Variants in DCC observed in about 807,000 individuals in gnomAD.
DCC encodes the protein DCC netrin 1 receptor.
In DCC, 58 loss-of-function variants were observed where a neutral mutation model predicts 172.5. The ratio of observed to expected loss-of-function variants is 0.34; its 90% CI spans 0.27 to 0.42. The LOEUF is 0.42. Among genes scored for constraint, DCC ranks in the 10% least tolerant of loss-of-function variants. The pLI, the probability that DCC is intolerant of heterozygous loss-of-function variation, is 1.00. For missense variants in DCC, 1,740 were observed against 1,791.0 expected (o/e 0.97, Z 0.51); for synonymous variants, 709 against 644.5 (o/e 1.10, Z -1.52).
intron 1 of DCC, among the ~76,000 whole-genome samples, chr18:52,462,304 C>T (rs1988655428): frequency 1.3e-5 from 2 of 152,242 alleles, no homozygotes; most frequent in African/African-American, 4.8e-5. Flanking sequence ...ATTCAGAACC[C>T]TCCAATGACT....
At chr18:53,022,579 C>G (rs560857522) in intron 5 of DCC, among the ~76,000 whole-genome samples, 1 of 150,166 alleles carries the variant, frequency 6.7e-6, no homozygotes, top group South Asian at 2.1e-4. Flanking sequence ...GTATCACTAA[C>G]GGAACACCAT....
intron 12 of DCC, among the ~76,000 whole-genome samples, chr18:53,292,115 C>T (rs548389300): frequency 6.1e-5 from 1 of 16,276 alleles, no homozygotes; most frequent in Non-Finnish European, 6.4e-4. Flanking sequence ...TGAGCTCCAC[C>T]CCCCCCCCCT....
chr18:53,094,369 T>C (rs1044243188), intron 7 of DCC, among the ~76,000 whole-genome samples: 2 of 152,218 alleles, frequency 1.3e-5, no homozygotes, highest in African/African-American at 4.8e-5. Context: ...TTTTAAGGCA[T>C]TATAACTAGA....
At chr18:52,374,241 G>A (rs1985251836) in intron 1 of DCC, among the ~76,000 whole-genome samples, 1 of 152,054 alleles carries the variant, frequency 6.6e-6, no homozygotes, top group East Asian at 1.9e-4. Context: ...AGTTCACTGA[G>A]TAGAACCTAA....
At chr18:53,283,058 G>A (rs1177196480) in intron 12 of DCC, among the ~76,000 whole-genome samples, 2 of 152,172 alleles carry the variant, frequency 1.3e-5, no homozygotes, top group African/African-American at 4.8e-5. Context: ...AGTCAGCACT[G>A]ACCTAATTAT....
chr18:52,821,381 TA>T (rs1175485229), intron 2 of DCC, among the ~76,000 whole-genome samples: 4 of 152,228 alleles, frequency 2.6e-5, no homozygotes, highest in Non-Finnish European at 5.9e-5. Flanking sequence ...CTCAACAGCC[TA>T]AAAACATTGT....
At chr18:53,358,448 G>T (rs2057903642) in intron 15 of DCC, among the ~76,000 whole-genome samples, 1 of 151,158 alleles carries the variant, frequency 6.6e-6, no homozygotes, top group Non-Finnish European at 1.5e-5. Flanking sequence ...TTATAAAATG[G>T]CTTATTGAGT....
intron 1 of DCC, among the ~76,000 whole-genome samples, chr18:52,716,439 T>C (rs1421869619): frequency 1.3e-5 from 2 of 152,158 alleles, no homozygotes; most frequent in East Asian, 1.9e-4. Flanking sequence ...CTTGAAGACA[T>C]AAAGGGATGT....
intron 5 of DCC, among the ~76,000 whole-genome samples, chr18:53,007,986 C>T (rs886627243): frequency 1.3e-5 from 2 of 152,094 alleles, no homozygotes; most frequent in African/African-American, 4.8e-5. Context: ...AAGCCAAATT[C>T]ACCTGCAAAT....
intron 1 of DCC, among the ~76,000 whole-genome samples, chr18:52,574,221 T>A (rs2033362013): frequency 6.6e-6 from 1 of 152,230 alleles, no homozygotes; most frequent in South Asian, 2.1e-4. Flanking sequence ...TCCTGTGAAA[T>A]GTCAAGCCTT....
chr18:52,608,122 C>G (rs765869949), intron 1 of DCC, among the ~76,000 whole-genome samples: 5 of 152,062 alleles, frequency 3.3e-5, no homozygotes, highest in South Asian at 4.1e-4. Flanking sequence ...GTCTCTGCCA[C>G]CCTAACCTCT....
At chr18:53,007,886 A>T (rs1202757387) in intron 5 of DCC, among the ~76,000 whole-genome samples, 1 of 152,100 alleles carries the variant, frequency 6.6e-6, no homozygotes, top group African/African-American at 2.4e-5. Flanking sequence ...GTGACCTAAA[A>T]ACCGCCTTTG....
chr18:52,780,386 A>G (rs79335626), intron 2 of DCC, among the ~76,000 whole-genome samples: 8,047 of 152,256 alleles, frequency 0.053, 288 homozygotes, highest in South Asian at 0.16. Flanking sequence ...CTTTCAAAAT[A>G]TATAGTCTCT....
chr18:53,489,395 A>G (rs1200064541), intron 26 of DCC, among the ~76,000 whole-genome samples: 7 of 152,196 alleles, frequency 4.6e-5, no homozygotes, highest in Non-Finnish European at 8.8e-5. Context: ...AATATTCTCT[A>G]AATCACTGTC....
At chr18:52,873,186 C>A (rs1221285104) in intron 2 of DCC, among the ~76,000 whole-genome samples, 1 of 149,380 alleles carries the variant, frequency 6.7e-6, no homozygotes, top group Non-Finnish European at 1.5e-5. Flanking sequence ...ACAAGTCTCT[C>A]AGTGTTTATG....
intron 26 of DCC, among the ~76,000 whole-genome samples, chr18:53,493,028 G>A (rs985122405): frequency 7.9e-5 from 12 of 152,064 alleles, no homozygotes; most frequent in Non-Finnish European, 2.9e-5. Context: ...CTTTGAAGAT[G>A]TCCTTCACAT....
chr18:52,961,633 C>T (rs1368309448), intron 5 of DCC, among the ~76,000 whole-genome samples: 1 of 152,154 alleles, frequency 6.6e-6, no homozygotes, highest in Non-Finnish European at 1.5e-5. Flanking sequence ...TACATTGATG[C>T]ATTTGTATGG....
intron 1 of DCC, among the ~76,000 whole-genome samples, chr18:52,481,860 T>C (rs1290915608): frequency 2.0e-5 from 3 of 152,090 alleles, no homozygotes; most frequent in Admixed American, 2.0e-4. Flanking sequence ...AAATGTATGA[T>C]CATGTATTAC....
At chr18:52,766,603 C>G (rs2037256608) in intron 2 of DCC, among the ~76,000 whole-genome samples, 3 of 152,042 alleles carry the variant, frequency 2.0e-5, no homozygotes, top group African/African-American at 7.2e-5. Context: ...CTGGCCATCT[C>G]TGGCTGAATT....
Sources: gnomAD v4.1 joint callset for allele counts (sites outside exome capture counted in the v4.1 genomes callset) on GRCh38, gnomAD v4.1.1 for gene constraint, MANE v1.5 for transcripts, NCBI Gene and HGNC (gene_info 2026-07-23, HGNC 2026-07-21) for gene names.